RPS6KC1: variants seen among roughly 807,000 people sequenced by gnomAD.
RPS6KC1 encodes ribosomal protein S6 kinase C1.
Under a neutral mutation model 103.8 loss-of-function variants are expected in RPS6KC1, and 54 were observed. That is an observed-to-expected ratio of 0.52 (90% CI 0.42 to 0.65). The LOEUF is 0.65. Ranked by LOEUF, RPS6KC1 falls within the 30% of genes least tolerant of loss-of-function variation. The pLI is 0.00. For synonymous variants in RPS6KC1, 439 were observed against 438.7 expected, an observed-to-expected ratio of 1.00 and a Z score of -0.01; for missense variants, 1,151 against 1,253.8, an observed-to-expected ratio of 0.92 and a Z score of 1.24.
chr1:213,207,670 T>G (rs1003368658), intron 8 of RPS6KC1, among the ~76,000 whole-genome samples: 4 of 151,230 alleles, frequency 2.6e-5, no homozygotes, highest in Admixed American at 6.6e-5. Flanking sequence ...TTTATATACC[T>G]TTTTTTTTGT....
chr1:213,518,918 C>T, the RPS6KC1 span, among the ~76,000 whole-genome samples: 1 of 152,092 alleles, frequency 6.6e-6, no homozygotes, highest in African/African-American at 2.4e-5. Flanking sequence ...CTGAGGAAGA[C>T]CTGCACATCT....
At chr1:213,450,449 G>A in the RPS6KC1 span, among the ~76,000 whole-genome samples, 4 of 151,636 alleles carry the variant, frequency 2.6e-5, no homozygotes, top group Admixed American at 2.6e-4. Context: ...ACTAATCCAA[G>A]TGGAATGCTC....
At chr1:213,838,570 T>G in the RPS6KC1 span, among the ~76,000 whole-genome samples, 2 of 152,188 alleles carry the variant, frequency 1.3e-5, no homozygotes, top group African/African-American at 4.8e-5. Context: ...ACCTTCCGAT[T>G]TGTATTTTTC....
chr1:213,540,295 T>A, the RPS6KC1 span, among the ~76,000 whole-genome samples: 1 of 152,130 alleles, frequency 6.6e-6, no homozygotes, highest in African/African-American at 2.4e-5. Flanking sequence ...TTTTAAAAAG[T>A]TTTTTAGAAA....
At chr1:213,643,220 A>G in the RPS6KC1 span, among the ~76,000 whole-genome samples, 1 of 152,046 alleles carries the variant, frequency 6.6e-6, no homozygotes, top group Admixed American at 6.6e-5. Context: ...AATCTTTGGG[A>G]ATTTGACTAG....
chr1:213,407,034 C>T, the RPS6KC1 span, among the ~76,000 whole-genome samples: 122 of 152,170 alleles, frequency 8.0e-4, no homozygotes, highest in Admixed American at 1.9e-3. Flanking sequence ...CCTTTGCTGG[C>T]CCAGGTGTGG....
At chr1:213,837,045 G>GT in the RPS6KC1 span, among the ~76,000 whole-genome samples, 1 of 152,124 alleles carries the variant, frequency 6.6e-6, no homozygotes, top group East Asian at 1.9e-4. Flanking sequence ...TGGTTTGTTT[G>GT]TTTTTTTGTA....
chr1:213,717,469 G>C, the RPS6KC1 span, among the ~76,000 whole-genome samples: 1 of 152,220 alleles, frequency 6.6e-6, no homozygotes, highest in African/African-American at 2.4e-5. Context: ...CTGAGCTGAT[G>C]GATTGGAAAG....
the RPS6KC1 span, among the ~76,000 whole-genome samples, chr1:213,572,804 T>C: frequency 6.6e-6 from 1 of 152,132 alleles, no homozygotes; most frequent in Non-Finnish European, 1.5e-5. Flanking sequence ...GAGATAAAAA[T>C]TGGGATTAGT....
At chr1:213,562,781 C>T in the RPS6KC1 span, among the ~76,000 whole-genome samples, 11 of 152,120 alleles carry the variant, frequency 7.2e-5, no homozygotes, top group South Asian at 6.2e-4. Flanking sequence ...CTCCCACTTC[C>T]GCTTTCCAAG....
intron 6 of RPS6KC1, among the ~76,000 whole-genome samples, chr1:213,151,417 C>T (rs1373784318): frequency 5.2e-5 from 7 of 134,510 alleles, no homozygotes; most frequent in Non-Finnish European, 8.0e-5. Flanking sequence ...CCAGTAGGGG[C>T]GGCCGGGCAG....
the RPS6KC1 span, among the ~76,000 whole-genome samples, chr1:213,677,128 C>A: frequency 2.6e-5 from 4 of 152,224 alleles, no homozygotes; most frequent in African/African-American, 7.2e-5. Context: ...TGCCCCTTAT[C>A]CTTTCCAATT....
chr1:213,676,113 C>T, the RPS6KC1 span, among the ~76,000 whole-genome samples: 1 of 152,134 alleles, frequency 6.6e-6, no homozygotes, highest in Non-Finnish European at 1.5e-5. Flanking sequence ...GTCTGGGTTT[C>T]TATACCTTTA....
At chr1:213,056,316 T>A (rs977803657) in intron 1 of RPS6KC1, among the ~76,000 whole-genome samples, 1 of 152,204 alleles carries the variant, frequency 6.6e-6, no homozygotes, top group African/African-American at 2.4e-5. Flanking sequence ...CAGGGTCATA[T>A]AGCCAGCAAG....
chr1:213,308,334 AGAG>A, the RPS6KC1 span, among the ~76,000 whole-genome samples: 4 of 147,288 alleles, frequency 2.7e-5, no homozygotes, highest in South Asian at 2.4e-4. Context: ...AAAAAAAAAA[AGAG>A]AGAAAGAAGA....
the RPS6KC1 span, among the ~76,000 whole-genome samples, chr1:213,418,095 G>C: frequency 1.3e-5 from 2 of 152,146 alleles, no homozygotes; most frequent in Non-Finnish European, 2.9e-5. Context: ...CTTGGAGCAC[G>C]AGGGTGATGC....
chr1:213,261,522 T>C (rs1487873338), intron 12 of RPS6KC1, 36 bp from the exon 13 acceptor site: 1 of 1,585,564 alleles, frequency 6.3e-7, no homozygotes, highest in Non-Finnish European at 8.7e-7. Context: ...AATTGACCTT[T>C]GGAATTTTAA....
chr1:213,132,863 A>G (rs1369837929), intron 6 of RPS6KC1, among the ~76,000 whole-genome samples: 1 of 152,144 alleles, frequency 6.6e-6, no homozygotes, highest in Non-Finnish European at 1.5e-5. Context: ...GGGTTGGCAA[A>G]TTTTGTTATT....
chr1:213,589,769 TG>T, the RPS6KC1 span, among the ~76,000 whole-genome samples: 1 of 152,160 alleles, frequency 6.6e-6, no homozygotes, highest in Non-Finnish European at 1.5e-5. Flanking sequence ...AAGATCCTGT[TG>T]GTCATACAGG....
Sources: gnomAD v4.1 joint callset for allele counts (sites outside exome capture counted in the v4.1 genomes callset) on GRCh38, gnomAD v4.1.1 for gene constraint, MANE v1.5 for transcripts, NCBI Gene and HGNC (gene_info 2026-07-23, HGNC 2026-07-21) for gene names.